The following ETV1 variants were observed in gnomAD, a reference collection of about 807,000 sequenced individuals.
ETV1 encodes the protein ETS variant transcription factor 1, also known as ETS translocation variant 1.
ETV1 carries 27 observed loss-of-function variants against 62.3 expected under a neutral mutation model. The ratio of observed to expected loss-of-function variants is 0.43; its 90% CI spans 0.32 to 0.60. The LOEUF (loss-of-function observed/expected upper bound fraction) is 0.60, where lower values mean the gene tolerates loss of function less well. Among genes scored for constraint, ETV1 ranks in the 20% least tolerant of loss-of-function variants. The pLI is 0.06. For missense variants in ETV1, 605 were observed against 605.8 expected, an observed-to-expected ratio of 1.00 and a Z score of 0.01; for synonymous variants, 222 against 199.6, an observed-to-expected ratio of 1.11 and a Z score of -0.94.
chr7:13,949,305 G>A (rs1048107679), intron 6 of ETV1, among the ~76,000 whole-genome samples: 1 of 152,204 alleles, frequency 6.6e-6, no homozygotes. Context: ...AATACACTCA[G>A]TAGATGAAAA....
At chr7:13,941,004 A>G (rs1787439230) in intron 6 of ETV1, among the ~76,000 whole-genome samples, 1 of 152,148 alleles carries the variant, frequency 6.6e-6, no homozygotes, top group Non-Finnish European at 1.5e-5. Flanking sequence ...ATTTCAAAGC[A>G]TTTTTTAATG....
upstream of ETV1, chr7:13,991,369 C>T (rs989959594): frequency 2.0e-5 from 3 of 152,346 alleles, no homozygotes; most frequent in African/African-American, 4.8e-5. Context: ...AGGGTAACCG[C>T]GAGGGGGCGG....
chr7:13,927,763 T>G (rs528928805), intron 9 of ETV1, among the ~76,000 whole-genome samples: 1 of 152,298 alleles, frequency 6.6e-6, no homozygotes, highest in Non-Finnish European at 1.5e-5. Flanking sequence ...ACCCACAGAT[T>G]AAGTTTTCAT....
At position 13,919,565 on chromosome 7, in the gene ETV1, T is replaced by TACACACAC. The variant is rs35735011; in HGVS notation, c.803-8266_803-8259dup. Reference sequence around the variant, plus strand: ...GTTAGAAACAACTAAATAGAAACCATACACACACACACACACACACACACA... The same window carrying TACACACAC: ...GTTAGAAACAACTAAATAGAAACCATACACACACACACACACACACACACACACACACA... On this transcript the variant is annotated intron_variant, in intron 9 of 13. Coordinates refer to ENST00000430479, the MANE Select transcript of ETV1 (RefSeq NM_004956.5). Among the ~76,000 whole-genome samples the TACACACAC allele has an allele frequency of 4.4e-3, 599 of 135,468 alleles. 3 individuals carry two copies. Among genetic ancestry groups the TACACACAC allele is most frequent in the African/African-American group, 9.3e-3 (346 of 37,370 alleles). 88.9% of individuals were successfully genotyped at this position (135,468 alleles called of 152,430 possible).
chr7:13,988,619 A>AT, intron 3 of ETV1: 14 of 1,279,252 alleles, frequency 1.1e-5, no homozygotes, highest in African/African-American at 3.0e-5. Flanking sequence ...AGAGAAAATG[A>AT]GAAAAAAAAA....
intron 6 of ETV1, among the ~76,000 whole-genome samples, chr7:13,967,550 G>C (rs947353828): frequency 6.6e-6 from 1 of 151,972 alleles, no homozygotes; most frequent in African/African-American, 2.4e-5. Flanking sequence ...AATGCAAATA[G>C]TGCTTTAGAT....
At chr7:13,984,807 T>G (rs1025952254) in intron 5 of ETV1, among the ~76,000 whole-genome samples, 3 of 152,076 alleles carry the variant, frequency 2.0e-5, no homozygotes, top group Non-Finnish European at 2.9e-5. Context: ...AGGTTTGATT[T>G]ACAGGTATGT....
intron 6 of ETV1, among the ~76,000 whole-genome samples, chr7:13,944,395 G>A (rs550145383): frequency 6.6e-6 from 1 of 152,232 alleles, no homozygotes; most frequent in South Asian, 2.1e-4. Context: ...ACTTCACATA[G>A]CAGAAATCAC....
At chr7:13,941,529 T>G (rs144378939) in intron 6 of ETV1, among the ~76,000 whole-genome samples, 1 of 152,158 alleles carries the variant, frequency 6.6e-6, no homozygotes, top group African/African-American at 2.4e-5. Context: ...CTAAATTTCC[T>G]GGGTAAACAT....
chr7:13,928,923 A>T (rs1463456433), intron 9 of ETV1, among the ~76,000 whole-genome samples: 1 of 152,160 alleles, frequency 6.6e-6, no homozygotes, highest in African/African-American at 2.4e-5. Flanking sequence ...ACACCACTGC[A>T]CTCAAGCCTG....
intron 6 of ETV1, among the ~76,000 whole-genome samples, chr7:13,946,006 T>C (rs927745409): frequency 6.6e-6 from 1 of 152,226 alleles, no homozygotes; most frequent in African/African-American, 2.4e-5. Context: ...AGTACCATCC[T>C]TGCTGAGTCT....
chr7:13,901,302 G>T (rs1782397614), intron 12 of ETV1, among the ~76,000 whole-genome samples: 1 of 152,156 alleles, frequency 6.6e-6, no homozygotes. Context: ...ACTGCGCCTG[G>T]CCTGGTTTGC....
At chr7:13,913,266 T>C (rs932435761) in intron 9 of ETV1, among the ~76,000 whole-genome samples, 3 of 152,232 alleles carry the variant, frequency 2.0e-5, no homozygotes, top group Non-Finnish European at 4.4e-5. Context: ...GATGACAGCA[T>C]ATTCACACTG....
intron 11 of ETV1, among the ~76,000 whole-genome samples, chr7:13,909,132 C>T (rs1783288600): frequency 1.8e-5 from 2 of 108,482 alleles, no homozygotes; most frequent in South Asian, 3.7e-4. Context: ...ACATCTTCCC[C>T]AGTTAAAAAA....
At chr7:13,985,119 G>C (rs1263151611) in intron 5 of ETV1, among the ~76,000 whole-genome samples, 1 of 151,978 alleles carries the variant, frequency 6.6e-6, no homozygotes, top group Non-Finnish European at 1.5e-5. Flanking sequence ...GATATTTTAA[G>C]TTATTTTGGA....
chr7:13,986,929 CT>C (rs1280049557), intron 4 of ETV1: 6 of 418,722 alleles, frequency 1.4e-5, no homozygotes, highest in Admixed American at 8.8e-5. Context: ...ATCATCTTTT[CT>C]TCTTTTTAAC....
At chr7:13,936,493 A>G (rs1786817652) in intron 7 of ETV1, among the ~76,000 whole-genome samples, 1 of 152,210 alleles carries the variant, frequency 6.6e-6, no homozygotes, top group Non-Finnish European at 1.5e-5. Context: ...TGTCTGATAT[A>G]TTTAAACTTT....
At chr7:13,973,527 C>CT (rs2128496093) in intron 6 of ETV1, among the ~76,000 whole-genome samples, 1 of 152,316 alleles carries the variant, frequency 6.6e-6, no homozygotes, top group Non-Finnish European at 1.5e-5. Flanking sequence ...CCCTATTCTT[C>CT]TTTTTAAATC....
chr7:13,960,005 C>A (rs1789982049), intron 6 of ETV1, among the ~76,000 whole-genome samples: 1 of 147,068 alleles, frequency 6.8e-6, no homozygotes, highest in Non-Finnish European at 1.5e-5. Context: ...TGTGCATAGA[C>A]AACCTACCAC....
Sources: gnomAD v4.1 joint callset for allele counts (sites outside exome capture counted in the v4.1 genomes callset) on GRCh38, gnomAD v4.1.1 for gene constraint, MANE v1.5 for transcripts, NCBI Gene and HGNC (gene_info 2026-07-23, HGNC 2026-07-21) for gene names.